FBXO21: variants seen among roughly 807,000 people sequenced by gnomAD.
FBXO21 encodes the protein F-box only protein 21.
Under a neutral mutation model 76.6 loss-of-function variants are expected in FBXO21, and 32 were observed. The ratio of observed to expected loss-of-function variants is 0.42; its 90% CI spans 0.32 to 0.56. The LOEUF (loss-of-function observed/expected upper bound fraction) is 0.56. Ranked by LOEUF, FBXO21 falls within the 20% of genes least tolerant of loss-of-function variation. FBXO21 has a pLI of 0.16. For missense variants in FBXO21, 586 were observed against 797.3 expected (o/e 0.73, Z 3.19); for synonymous variants, 328 against 311.5 (o/e 1.05, Z -0.56).
At chr12:117,150,910 G>A (rs1256547452) in intron 11 of FBXO21, among the ~76,000 whole-genome samples, 1 of 52,972 alleles carries the variant, frequency 1.9e-5, no homozygotes, top group Non-Finnish European at 3.7e-5. Flanking sequence ...TGTCAGGCGG[G>A]AGGACTGTAT....
intron 11 of FBXO21, among the ~76,000 whole-genome samples, chr12:117,146,759 T>G (rs1002495182): frequency 2.0e-5 from 3 of 152,092 alleles, no homozygotes; most frequent in Non-Finnish European, 4.4e-5. Context: ...CCACCCGAGC[T>G]CCTTCCAACA....
chr12:117,178,906 A>C (rs186462225), intron 3 of FBXO21, among the ~76,000 whole-genome samples: 1 of 152,072 alleles, frequency 6.6e-6, no homozygotes, highest in East Asian at 1.9e-4. Flanking sequence ...GAAGGCAGGG[A>C]TTTTTTTTGT....
chr12:117,156,801 T>C (rs1955921010), intron 10 of FBXO21, among the ~76,000 whole-genome samples: 1 of 152,166 alleles, frequency 6.6e-6, no homozygotes, highest in African/African-American at 2.4e-5. Flanking sequence ...TGGGAAAAGA[T>C]ATTTGCAACT....
chr12:117,144,060 T>A lies in FBXO21; in HGVS notation c.*2027A>T, dbSNP rs949395256. ...GTGATACAGGCTTCCTGGAGCCCCA[T>A]GAAGCATTCATGAAGAAAGACATTT... On this transcript the variant is annotated 3_prime_UTR_variant, in exon 12 of 12. Coordinates refer to ENST00000622495, the MANE Select transcript of FBXO21 (RefSeq NM_015002.3). The A allele has an allele frequency of 6.6e-6, 1 of 152,566 alleles. No individual in the cohort carries two copies. The highest frequency in any genetic ancestry group is 2.4e-5 in the African/African-American group (1 of 41,432). 9.5% of individuals were successfully genotyped at this position (152,566 alleles called of 1,614,324 possible).
intron 3 of FBXO21, among the ~76,000 whole-genome samples, chr12:117,180,921 T>C (rs947878765): frequency 1.3e-5 from 2 of 152,188 alleles, no homozygotes; most frequent in Non-Finnish European, 2.9e-5. Flanking sequence ...ATCACTTTTA[T>C]GATTACTGAA....
intron 2 of FBXO21, chr12:117,188,954 T>G: frequency 2.6e-6 from 1 of 380,764 alleles, no homozygotes; most frequent in Non-Finnish European, 4.8e-6. Context: ...TGATCTGGAC[T>G]CCGTCTACAT....
chr12:117,154,667 C>T (rs1955889849), intron 11 of FBXO21, among the ~76,000 whole-genome samples: 1 of 152,182 alleles, frequency 6.6e-6, no homozygotes, highest in Admixed American at 6.5e-5. Flanking sequence ...TGCTGTGTTG[C>T]CCAGGCTGGT....
At position 117,143,791 on chromosome 12, in the gene FBXO21, G is replaced by A. The variant is rs1424170987; in HGVS notation, c.*2296C>T. The A allele has an allele frequency of 6.6e-6, 1 of 152,588 alleles. No individual in the cohort carries two copies. Among genetic ancestry groups the A allele is most frequent in the Non-Finnish European group, 1.5e-5 (1 of 68,036 alleles). 9.5% of individuals were successfully genotyped at this position (152,588 alleles called of 1,614,324 possible). On this transcript the variant is annotated 3_prime_UTR_variant, in exon 12 of 12. Transcript: ENST00000622495. ...GCAGGCCATTTGCGTGGTTTCTCTG[G>A]ATAAGTTCCATTTATTAATCATTGT...
rs1365897255 is a variant in FBXO21, at chr12:117,190,460, G to A, written c.-4C>T. 5 of 1,301,270 alleles carry A rather than the reference G, an allele frequency of 3.8e-6. No homozygotes were observed. Among genetic ancestry groups the A allele is most frequent in the Non-Finnish European group, 5.1e-6 (5 of 970,930 alleles). The allele number at this position is 1,301,270 out of a possible 1,614,324, so 80.6% of individuals were successfully genotyped here. A position where few individuals can be genotyped will look rare whatever the true frequency, so the allele number is the denominator to read the frequency against. On this transcript the variant is annotated 5_prime_UTR_variant, in exon 1 of 12. Transcript: ENST00000622495. Reference sequence around the variant, plus strand: ...TGTCGACTGCTGCCGCCGCCATCTTGTCCGCGTACCTGGGGCCGCCGCGCG... The same window carrying A: ...TGTCGACTGCTGCCGCCGCCATCTTATCCGCGTACCTGGGGCCGCCGCGCG...
At chr12:117,149,581 G>A (rs1024473366) in intron 11 of FBXO21, among the ~76,000 whole-genome samples, 1 of 152,224 alleles carries the variant, frequency 6.6e-6, no homozygotes. Context: ...GAGAGCTGCT[G>A]CCAGCTTGCA....
At chr12:117,167,741 G>T in intron 7 of FBXO21, among the ~76,000 whole-genome samples, 1 of 122,894 alleles carries the variant, frequency 8.1e-6, no homozygotes, top group Admixed American at 9.9e-5. Flanking sequence ...AAAAGACTCT[G>T]TCTCAAAAAA....
In FBXO21 at chr12:117,190,264, G is replaced by C. The variant is rs770454884; in HGVS notation, c.193C>G (p.Leu65Val). ...CACACCTTCCCGCTGCTCTGGCACAGCTCGCGCAGCCGCCGGCAGGTGCTG... is the reference window on the plus strand; with the variant it reads ...CACACCTTCCCGCTGCTCTGGCACACCTCGCGCAGCCGCCGGCAGGTGCTG... ...VSSTCRRLRE[L>V]CQSSGKVWKE... The change falls in exon 1 of 12, where the codon CTG (leucine) becomes GTG (valine). Residue 65 changes from leucine (L) to valine (V), a missense_variant. Transcript: ENST00000622495. The C allele has an allele frequency of 1.9e-6, 3 of 1,546,096 alleles. No individual in the cohort carries two copies. Among genetic ancestry groups the C allele is most frequent in the Non-Finnish European group, 2.6e-6 (3 of 1,156,490 alleles).
At chr12:117,178,899 G>A (rs1956202473) in intron 3 of FBXO21, among the ~76,000 whole-genome samples, 1 of 152,024 alleles carries the variant, frequency 6.6e-6, no homozygotes, top group Non-Finnish European at 1.5e-5. Flanking sequence ...GCCCCATGAA[G>A]GCAGGGATTT....
intron 3 of FBXO21, among the ~76,000 whole-genome samples, chr12:117,180,367 C>T (rs1956215705): frequency 6.6e-6 from 1 of 152,230 alleles, no homozygotes; most frequent in African/African-American, 2.4e-5. Flanking sequence ...TACATATGCA[C>T]ATGCACTTAC....
chr12:117,147,290 G>GAAAAAA (rs144755940), intron 11 of FBXO21, among the ~76,000 whole-genome samples: 1 of 85,080 alleles, frequency 1.2e-5, no homozygotes. Context: ...TGAAAAAATG[G>GAAAAAA]AAAAAAAAAA....
chr12:117,168,812 T>C (rs1956087783), intron 7 of FBXO21, among the ~76,000 whole-genome samples: 1 of 152,114 alleles, frequency 6.6e-6, no homozygotes, highest in South Asian at 2.1e-4. Flanking sequence ...CATGAAAAAA[T>C]CTATTTTGTA....
At chr12:117,174,566 G>A in intron 5 of FBXO21, 85 bp downstream of exon 5, 1 of 1,467,900 alleles carries the variant, frequency 6.8e-7, no homozygotes, top group South Asian at 1.3e-5. Flanking sequence ...TGACATAATG[G>A]CAGCACACTA....
At chr12:117,169,367 G>A (rs1035949752) in intron 7 of FBXO21, among the ~76,000 whole-genome samples, 5 of 152,030 alleles carry the variant, frequency 3.3e-5, no homozygotes, top group African/African-American at 7.2e-5. Context: ...ATGGGCACTA[G>A]GCTTAATACC....
chr12:117,161,304 G>A (rs559526570), intron 9 of FBXO21, among the ~76,000 whole-genome samples: 2 of 152,084 alleles, frequency 1.3e-5, no homozygotes, highest in Non-Finnish European at 2.9e-5. Context: ...GACAGTGCAG[G>A]CACACAGAAA....
Sources: gnomAD v4.1 joint callset for allele counts (sites outside exome capture counted in the v4.1 genomes callset) on GRCh38, gnomAD v4.1.1 for gene constraint, MANE v1.5 for transcripts, NCBI Gene and HGNC (gene_info 2026-07-23, HGNC 2026-07-21) for gene names.